Variants in DERA observed in about 807,000 individuals in gnomAD.
DERA encodes the protein deoxyribose-phosphate aldolase, also known as 2-deoxy-D-ribose 5-phosphate aldolase.
Under a neutral mutation model 41.1 loss-of-function variants are expected in DERA, and 15 were observed. The ratio of observed to expected loss-of-function variants is 0.37; its 90% CI spans 0.24 to 0.56. The LOEUF (loss-of-function observed/expected upper bound fraction) is 0.56, where lower values mean the gene tolerates loss of function less well. Among genes scored for constraint, DERA ranks in the 20% least tolerant of loss-of-function variants. The probability of loss-of-function intolerance (pLI) is 0.81; values close to 1 mark genes in which losing one functional copy is unlikely to be tolerated. For synonymous variants in DERA, 139 were observed against 137.4 expected, an observed-to-expected ratio of 1.01 and a Z score of -0.08; for missense variants, 396 against 403.4, an observed-to-expected ratio of 0.98 and a Z score of 0.16.
Position 15,966,145 on chromosome 12 carries a change from G to A in DERA, c.508+3198G>A, listed in dbSNP as rs1948621202. The stretch of plus-strand genomic sequence containing the variant: ...CACCTGTAATCCCAGCACTTTGGGA[G>A]GCTGAAACAGGCACTTTGGGAGGCC... On this transcript the variant is annotated intron_variant, in intron 5 of 8. Transcript: ENST00000428559. This position sits in a 1 kb window ranked among gnomAD's most constrained non-coding sequence, Gnocchi z 5.1. Among the ~76,000 whole-genome samples, 1 of 152,128 alleles carries A rather than the reference G, an allele frequency of 6.6e-6. No homozygotes were observed. Among genetic ancestry groups the A allele is most frequent in the Non-Finnish European group, 1.5e-5 (1 of 68,020 alleles).
chr12:15,944,977 T>A (rs904176347), intron 1 of DERA, among the ~76,000 whole-genome samples: 17 of 152,346 alleles, frequency 1.1e-4, no homozygotes, highest in African/African-American at 3.8e-4. Flanking sequence ...CATCATTTGT[T>A]AAATAGGGAA....
chr12:15,975,718 A>G (rs950175167), intron 5 of DERA, among the ~76,000 whole-genome samples: 1 of 152,244 alleles, frequency 6.6e-6, no homozygotes, highest in African/African-American at 2.4e-5. Flanking sequence ...TTACTGTCTC[A>G]GTCATAATTT....
chr12:16,030,653 C>T (rs1343749386), intron 6 of DERA, among the ~76,000 whole-genome samples: 2 of 152,058 alleles, frequency 1.3e-5, no homozygotes, highest in African/African-American at 4.8e-5. Context: ...TATAGCTGCC[C>T]CTCACCAACT....
At chr12:15,923,671 C>T (rs912163276) in intron 1 of DERA, among the ~76,000 whole-genome samples, 3 of 150,862 alleles carry the variant, frequency 2.0e-5, no homozygotes, top group African/African-American at 7.3e-5. Flanking sequence ...ATTCATTCCT[C>T]TGCATGGCAG....
chr12:15,911,496 G>A lies in DERA; in HGVS notation c.31+82G>A. 3.0e-6 allele frequency: 4 copies of A among 1,322,450 alleles called. No homozygotes were observed. Among genetic ancestry groups the A allele is most frequent in the Non-Finnish European group, 4.0e-6 (4 of 1,000,606 alleles). 81.9% of individuals were successfully genotyped at this position (1,322,450 alleles called of 1,614,324 possible). Reference sequence around the variant, plus strand: ...CTAGCGCGGGGCCTGCTGCCGCCCAGTGCCCTGGCTGTGGGTCCCCGAGGG... The same window carrying A: ...CTAGCGCGGGGCCTGCTGCCGCCCAATGCCCTGGCTGTGGGTCCCCGAGGG... On this transcript the variant is annotated intron_variant, in intron 1 of 8. Transcript: ENST00000428559. This position sits in a 1 kb window ranked among gnomAD's most constrained non-coding sequence, Gnocchi z 4.5.
chr12:15,933,610 A>G lies in DERA; in HGVS notation c.31+22196A>G, dbSNP rs183539479. On this transcript the variant is annotated intron_variant, in intron 1 of 8. Coordinates refer to ENST00000428559, the MANE Select transcript of DERA (RefSeq NM_015954.4). ...GAATTTCAGGATTCTCTGTGACTTC[A>G]TATCGGTATACCCATGCAACCATAT... is the stretch of plus-strand genomic sequence containing the variant. Among the ~76,000 whole-genome samples, 17 of 152,320 alleles carry G rather than the reference A, an allele frequency of 1.1e-4. No homozygotes were observed. In the East Asian group the frequency reaches 3.3e-3, roughly 29 times the overall value.
At chr12:15,950,295 G>T (rs1193237806) in intron 1 of DERA, among the ~76,000 whole-genome samples, 1 of 152,200 alleles carries the variant, frequency 6.6e-6, no homozygotes, top group Non-Finnish European at 1.5e-5. Context: ...TGGATTATTT[G>T]TGCCTCCCCT....
Position 15,911,368 on chromosome 12 carries a change from C to A in DERA, c.-16C>A. The A allele has an allele frequency of 7.1e-7, 1 of 1,412,082 alleles. No homozygotes were observed. The highest frequency in any genetic ancestry group is 1.5e-5 in the African/African-American group (1 of 66,034). 87.5% of individuals were successfully genotyped at this position (1,412,082 alleles called of 1,614,324 possible). On this transcript the variant is annotated 5_prime_UTR_variant, in exon 1 of 9. Transcript: ENST00000428559. This position sits in a 1 kb window ranked among gnomAD's most constrained non-coding sequence, Gnocchi z 4.5. ...GCGGGCGCCTACCAGCCGGCAGCTC[C>A]GGAGCTGCCCGCGCCATGTCCGCGC...
chr12:15,963,286 C>T (rs1197812322), intron 5 of DERA, among the ~76,000 whole-genome samples: 1 of 152,168 alleles, frequency 6.6e-6, no homozygotes, highest in Non-Finnish European at 1.5e-5. Flanking sequence ...TGTTTTGTTA[C>T]TCAATACATA....
rs1948356123 is a variant in DERA at position 15,935,197 on chromosome 12, A to C, written c.32-21739A>C. ...CTATGATATTTTAAAGTTTCACTGT[A>C]ATTTTTTGGCTGAGTATGGTGGCTC... On this transcript the variant is annotated intron_variant, in intron 1 of 8. Coordinates refer to ENST00000428559, the MANE Select transcript of DERA (RefSeq NM_015954.4). The surrounding 1 kb of genome is among the most constrained non-coding windows in gnomAD (Gnocchi z 4.8). Among the ~76,000 whole-genome samples, 1 of 152,188 alleles carries C rather than the reference A, an allele frequency of 6.6e-6. No homozygotes were observed. Among genetic ancestry groups the C allele is most frequent in the Non-Finnish European group, 1.5e-5 (1 of 68,034 alleles).
chr12:15,966,143 G>T lies in DERA; in HGVS notation c.508+3196G>T, dbSNP rs1297428070. ...CACACCTGTAATCCCAGCACTTTGGGAGGCTGAAACAGGCACTTTGGGAGG... is the reference window on the plus strand; with the variant it reads ...CACACCTGTAATCCCAGCACTTTGGTAGGCTGAAACAGGCACTTTGGGAGG... On this transcript the variant is annotated intron_variant, in intron 5 of 8. Transcript: ENST00000428559. The surrounding 1 kb of genome is among the most constrained non-coding windows in gnomAD (Gnocchi z 5.1). Among the ~76,000 whole-genome samples, 1 of 152,108 alleles carries T rather than the reference G, an allele frequency of 6.6e-6. No individual in the cohort carries two copies. Among genetic ancestry groups the T allele is most frequent in the Admixed American group, 6.6e-5 (1 of 15,264 alleles).
chr12:16,032,154 T>G (rs1949096876), intron 6 of DERA, among the ~76,000 whole-genome samples: 1 of 152,166 alleles, frequency 6.6e-6, no homozygotes, highest in East Asian at 1.9e-4. Flanking sequence ...ATGAGCAAAT[T>G]AGGAGAAAAT....
chr12:16,019,462 GCT>G lies in DERA; in HGVS notation c.638-13075_638-13074del, dbSNP rs1027316113. On this transcript the variant is annotated intron_variant, in intron 6 of 8. Transcript: ENST00000428559. This position sits in a 1 kb window ranked among gnomAD's most constrained non-coding sequence, Gnocchi z 4.4. ...AGAGCCCAATGTCTGTGGGTTCAAA[GCT>G]CTCTATAATATTTTCCTAAGGGATA... 8.5e-4 allele frequency among the ~76,000 whole-genome samples: 129 copies of G among 152,246 alleles called. 1 individual carries two copies. Among genetic ancestry groups the G allele is most frequent in the African/African-American group, 3.0e-3 (126 of 41,532 alleles).
At chr12:15,964,902 A>G (rs1046984218) in intron 5 of DERA, among the ~76,000 whole-genome samples, 5 of 152,236 alleles carry the variant, frequency 3.3e-5, no homozygotes, top group Non-Finnish European at 7.3e-5. Context: ...ATTTCCCAAT[A>G]ACAGGCGTTT....
In DERA at chr12:15,921,199, G is replaced by C. The variant is rs1323831557; in HGVS notation, c.31+9785G>C. On this transcript the variant is annotated intron_variant, in intron 1 of 8. Coordinates refer to ENST00000428559, the MANE Select transcript of DERA (RefSeq NM_015954.4). The surrounding 1 kb of genome is among the most constrained non-coding windows in gnomAD (Gnocchi z 5.3). Reference sequence around the variant, plus strand: ...AATGTGAAGGCATGTTGGAAACATCGGGGTGACGTAGTGAAGTAAGTGCAT... The same window carrying C: ...AATGTGAAGGCATGTTGGAAACATCCGGGTGACGTAGTGAAGTAAGTGCAT... Among the ~76,000 whole-genome samples, 1 of 152,148 alleles carries C rather than the reference G, an allele frequency of 6.6e-6. No homozygotes were observed. Among genetic ancestry groups the C allele is most frequent in the African/African-American group, 2.4e-5 (1 of 41,442 alleles).
At position 15,994,643 on chromosome 12, in the gene DERA, C is replaced by T. The variant is rs1288586390; in HGVS notation, c.637+12207C>T. On this transcript the variant is annotated intron_variant, in intron 6 of 8. Coordinates refer to ENST00000428559, the MANE Select transcript of DERA (RefSeq NM_015954.4). The surrounding 1 kb of genome is among the most constrained non-coding windows in gnomAD (Gnocchi z 4.8). ...TAATTTTTTGTATTTTTAGTAGAGA[C>T]GGGGTTTCACCATGTTAGCCAGCAT... Among the ~76,000 whole-genome samples, 2 of 152,022 alleles carry T rather than the reference C, an allele frequency of 1.3e-5. No homozygotes were observed. Among genetic ancestry groups the T allele is most frequent in the South Asian group, 2.1e-4 (1 of 4,820 alleles).
In DERA at chr12:16,013,169, A is replaced by T. The variant is rs1427017064; in HGVS notation, c.638-19373A>T. ...GTGTTGATACCAGTCTTTAAAAATC[A>T]TTTTAAAGAACCATAATTATGAATG... On this transcript the variant is annotated intron_variant, in intron 6 of 8. Transcript: ENST00000428559. The surrounding 1 kb of genome is among the most constrained non-coding windows in gnomAD (Gnocchi z 5.8). Among the ~76,000 whole-genome samples the T allele has an allele frequency of 6.6e-6, 1 of 152,230 alleles. No homozygotes were observed. The highest frequency in any genetic ancestry group is 1.5e-5 in the Non-Finnish European group (1 of 68,038).
At position 15,965,211 on chromosome 12, in the gene DERA, C is replaced by T. The variant is rs115608533; in HGVS notation, c.508+2264C>T. Among the ~76,000 whole-genome samples the T allele has an allele frequency of 0.011, 1,705 of 152,194 alleles. 23 individuals carry two copies. Among genetic ancestry groups the T allele is most frequent in the African/African-American group, 0.039 (1,607 of 41,506 alleles). On this transcript the variant is annotated intron_variant, in intron 5 of 8. Coordinates refer to ENST00000428559, the MANE Select transcript of DERA (RefSeq NM_015954.4). The surrounding 1 kb of genome is among the most constrained non-coding windows in gnomAD (Gnocchi z 4.1). Reference sequence around the variant, plus strand: ...TTTGTGGATGGAAATGTCTATCAAGCAATTGCAGTTTTAAATCCAGGGCCC... The same window carrying T: ...TTTGTGGATGGAAATGTCTATCAAGTAATTGCAGTTTTAAATCCAGGGCCC...
At chr12:15,949,501 G>C (rs989691677) in intron 1 of DERA, among the ~76,000 whole-genome samples, 2 of 152,088 alleles carry the variant, frequency 1.3e-5, no homozygotes, top group African/African-American at 2.4e-5. Flanking sequence ...TCTGAGCCGG[G>C]CGTGGGATAT....
Sources: gnomAD v4.1 joint callset for allele counts (sites outside exome capture counted in the v4.1 genomes callset) on GRCh38, gnomAD v4.1.1 for gene constraint, Gnocchi (gnomAD v3.1) non-coding constraint, MANE v1.5 for transcripts, NCBI Gene and HGNC (gene_info 2026-07-23, HGNC 2026-07-21) for gene names.